The following SEL1L variants were observed in gnomAD, a reference collection of about 807,000 sequenced individuals.
SEL1L encodes SEL1L adaptor subunit of SYVN1 ubiquitin ligase, also known as protein sel-1 homolog 1.
A neutral mutation model predicts 109.8 loss-of-function variants in SEL1L; 52 were observed. That is an observed-to-expected ratio of 0.47 (90% CI 0.38 to 0.60). The LOEUF (loss-of-function observed/expected upper bound fraction) is 0.60. Among genes scored for constraint, SEL1L ranks in the 20% least tolerant of loss-of-function variants. The pLI is 0.00. For synonymous variants in SEL1L, 373 were observed against 339.6 expected, an observed-to-expected ratio of 1.10 and a Z score of -1.08; for missense variants, 749 against 962.2, an observed-to-expected ratio of 0.78 and a Z score of 2.93.
Position 81,472,483 on chromosome 14 carries a change from C to A in SEL1L, c.*4489G>T. ...ATTGCACTTTGTGTACATGTTCACT[C>A]TTGATTTAATATTTTTTCATTTCTC... On this transcript the variant is annotated 3_prime_UTR_variant, in exon 21 of 21. Transcript: ENST00000336735. 1 of 301,940 alleles carries A rather than the reference C, an allele frequency of 3.3e-6. No individual in the cohort carries two copies. 18.7% of individuals were successfully genotyped at this position (301,940 alleles called of 1,614,324 possible).
intron 13 of SEL1L, 89 bp downstream of exon 13, chr14:81,490,299 G>A: frequency 2.1e-6 from 2 of 932,614 alleles, no homozygotes; most frequent in South Asian, 3.0e-5. Flanking sequence ...GCATGAGTTG[G>A]TTATGATTAA....
chr14:81,498,605 G>T, intron 8 of SEL1L, 111 bp from the exon 9 acceptor site: 1 of 733,094 alleles, frequency 1.4e-6, no homozygotes, highest in South Asian at 1.7e-5. Flanking sequence ...TTTGATCCAA[G>T]TACACTAACA....
intron 3 of SEL1L, among the ~76,000 whole-genome samples, chr14:81,518,570 G>T (rs574938796): frequency 6.8e-6 from 1 of 146,382 alleles, no homozygotes; most frequent in Non-Finnish European, 1.5e-5. Context: ...TGAGGCAGGA[G>T]AATCGCTTGA....
chr14:81,477,749 G>T (rs2052479357), intron 20 of SEL1L, among the ~76,000 whole-genome samples: 1 of 152,284 alleles, frequency 6.6e-6, no homozygotes, highest in Admixed American at 6.5e-5. Context: ...GGAGGTGGAG[G>T]TTGCGGTGAG....
Position 81,504,226 on chromosome 14 carries a change from T to C in SEL1L, c.589A>G (p.Ser197Gly). 6.3e-7 allele frequency: 1 copy of C among 1,596,164 alleles called. No individual in the cohort carries two copies. The highest frequency in any genetic ancestry group is 8.5e-7 in the Non-Finnish European group (1 of 1,171,490). Reference protein sequence around the residue: ...YQTGMKILNGSNKKSQKREAY... With the variant: ...YQTGMKILNGGNKKSQKREAY... The stretch of plus-strand genomic sequence containing the variant: ...TCTCTTTTTTGGCTTTTCTTATTGC[T>C]TCCATTAAGGATTTTCATTCCAGTT... Residue 197 changes from serine (S) to glycine (G), a missense_variant, in exon 5 of 21, where the codon AGC becomes GGC. By Grantham distance (56) the Ser-to-Gly change is moderately conservative. This residue lies in a region of SEL1L where 366 missense variants were observed against 399.8 expected (regional missense o/e 0.92). Transcript: ENST00000336735.
At chr14:81,526,272 A>G (rs1423446143) in intron 3 of SEL1L, among the ~76,000 whole-genome samples, 1 of 152,192 alleles carries the variant, frequency 6.6e-6, no homozygotes, top group Non-Finnish European at 1.5e-5. Context: ...AGTACACACA[A>G]GCGTCAGCTG....
Position 81,476,509 on chromosome 14 carries a change from G to A in SEL1L, c.*463C>T, listed in dbSNP as rs1903163490. 2 of 152,146 alleles carry A rather than the reference G, an allele frequency of 1.3e-5. No homozygotes were observed. The highest frequency in any genetic ancestry group is 2.1e-4 in the South Asian group (1 of 4,830). 9.4% of individuals were successfully genotyped at this position (152,146 alleles called of 1,614,324 possible). On this transcript the variant is annotated 3_prime_UTR_variant, in exon 21 of 21. Coordinates refer to ENST00000336735, the MANE Select transcript of SEL1L (RefSeq NM_005065.6). ...GCTTTTTTTTTTTTTAACTTAAAAGGCAAGTTCTATTTTCAGACTTTCGAA... is the reference window on the plus strand; with the variant it reads ...GCTTTTTTTTTTTTTAACTTAAAAGACAAGTTCTATTTTCAGACTTTCGAA...
chr14:81,525,726 A>G (rs903480415), intron 3 of SEL1L, among the ~76,000 whole-genome samples: 5 of 152,190 alleles, frequency 3.3e-5, no homozygotes, highest in African/African-American at 1.2e-4. Context: ...ATGGTACCAT[A>G]TATTTACAAA....
At chr14:81,528,242 G>C (rs1469742400) in intron 1 of SEL1L, among the ~76,000 whole-genome samples, 7 of 152,100 alleles carry the variant, frequency 4.6e-5, no homozygotes, top group Non-Finnish European at 1.0e-4. Flanking sequence ...ATTATTATTT[G>C]ATAGCAGAGT....
chr14:81,471,660 C>T lies in SEL1L; in HGVS notation c.*5312G>A, dbSNP rs2139967858. On this transcript the variant is annotated 3_prime_UTR_variant, in exon 21 of 21. Coordinates refer to ENST00000336735, the MANE Select transcript of SEL1L (RefSeq NM_005065.6). ...GTTTTTAGAAATGGGATTTAATATACAATTCAGCATTAACATTGTTATGTT... is the reference window on the plus strand; with the variant it reads ...GTTTTTAGAAATGGGATTTAATATATAATTCAGCATTAACATTGTTATGTT... 6.6e-6 allele frequency: 1 copy of T among 152,282 alleles called. No homozygotes were observed. Among genetic ancestry groups the T allele is most frequent in the East Asian group, 1.9e-4 (1 of 5,188 alleles). 9.4% of individuals were successfully genotyped at this position (152,282 alleles called of 1,614,324 possible).
chr14:81,487,603 C>G (rs1298442824), intron 15 of SEL1L, 65 bp from the exon 16 acceptor site: 2 of 1,553,754 alleles, frequency 1.3e-6, no homozygotes, highest in Non-Finnish European at 1.7e-6. Flanking sequence ...TCAGAGAAGG[C>G]TTATATATGA....
intron 12 of SEL1L, among the ~76,000 whole-genome samples, chr14:81,491,617 C>A (rs12886748): frequency 6.6e-6 from 1 of 152,154 alleles, no homozygotes; most frequent in Non-Finnish European, 1.5e-5. Flanking sequence ...GTGATATATT[C>A]CATCTAAACT....
At chr14:81,478,154 G>T (rs920572835) in intron 20 of SEL1L, among the ~76,000 whole-genome samples, 1 of 152,144 alleles carries the variant, frequency 6.6e-6, no homozygotes, top group Middle Eastern at 3.4e-3. Flanking sequence ...TAAACATGGG[G>T]TATAATTTTA....
At chr14:81,520,083 A>C (rs1243952941) in intron 3 of SEL1L, among the ~76,000 whole-genome samples, 3 of 152,168 alleles carry the variant, frequency 2.0e-5, no homozygotes, top group African/African-American at 7.2e-5. Flanking sequence ...TGAGAGGCTG[A>C]CAAAGGGCAA....
Position 81,506,252 on chromosome 14 carries a change from A to C in SEL1L, c.341-11T>G, listed in dbSNP as rs753595483. 1.9e-6 allele frequency: 3 copies of C among 1,568,852 alleles called. No individual in the cohort carries two copies. On this transcript the variant is annotated splice_polypyrimidine_tract_variant and intron_variant, in intron 3 of 20. Transcript: ENST00000336735. ...CAATGGCGGTCAAAGCTGGAATGAC[A>C]AGAAATAAAAATCTAAACATGAAAC... is the stretch of plus-strand genomic sequence containing the variant.
intron 11 of SEL1L, 54 bp downstream of exon 11, chr14:81,495,027 A>G: frequency 1.3e-6 from 2 of 1,512,958 alleles, no homozygotes; most frequent in Non-Finnish European, 1.8e-6. Context: ...ATACATTGGG[A>G]ACATCATTTC....
chr14:81,501,463 CAAAGA>C (rs1466347841), intron 6 of SEL1L, among the ~76,000 whole-genome samples: 1 of 151,958 alleles, frequency 6.6e-6, no homozygotes, highest in Non-Finnish European at 1.5e-5. Context: ...CTGATTCACG[CAAAGA>C]AGAGAAAAAC....
intron 3 of SEL1L, among the ~76,000 whole-genome samples, chr14:81,526,475 A>C (rs558070953): frequency 6.6e-6 from 1 of 152,318 alleles, no homozygotes; most frequent in South Asian, 2.1e-4. Flanking sequence ...CTTGATTCCA[A>C]AAAGAAACGT....
rs1903032832 is a variant in SEL1L, at chr14:81,472,277, C to T, written c.*4695G>A. 5.7e-6 allele frequency: 1 copy of T among 176,144 alleles called. No homozygotes were observed. The highest frequency in any genetic ancestry group is 1.2e-5 in the Non-Finnish European group (1 of 82,802). The allele number at this position is 176,144 out of a possible 1,614,324, so 10.9% of individuals were successfully genotyped here. The stretch of plus-strand genomic sequence containing the variant: ...GGTCAGTCAAGGTCATCTGGGGTCA[C>T]TGACTGTGCTCCCACAAGTACAATT... On this transcript the variant is annotated 3_prime_UTR_variant, in exon 21 of 21. Coordinates refer to ENST00000336735, the MANE Select transcript of SEL1L (RefSeq NM_005065.6).
Sources: allele counts gnomAD v4.1 joint callset (sites outside exome capture counted in the v4.1 genomes callset), GRCh38; gene constraint gnomAD v4.1.1; regional missense constraint gnomAD v4.1.1; transcripts MANE v1.5; gene names NCBI Gene and HGNC (gene_info 2026-07-23, HGNC 2026-07-21).